CFAP74: variants seen among roughly 807,000 people sequenced by gnomAD.
CFAP74 encodes cilia and flagella associated protein 74.
In CFAP74, 124 loss-of-function variants were observed where a neutral mutation model predicts 188.9. The observed-to-expected ratio is 0.66, with a 90% CI of 0.57 to 0.76. The LOEUF is 0.76. Ranked by LOEUF, CFAP74 falls within the 30% of genes least tolerant of loss-of-function variation. The pLI is 0.00. For missense variants in CFAP74, 2,198 were observed against 2,165.2 expected (o/e 1.02, Z -0.30); for synonymous variants, 956 against 916.7 (o/e 1.04, Z -0.77).
At chr1:1,967,238 G>A (rs1258850348) in intron 11 of CFAP74, among the ~76,000 whole-genome samples, 1 of 152,210 alleles carries the variant, frequency 6.6e-6, no homozygotes, top group Non-Finnish European at 1.5e-5. Flanking sequence ...TGGGGACGGA[G>A]CCTTGCCTAT....
At chr1:1,979,558 A>G (rs1656686417) in intron 6 of CFAP74, among the ~76,000 whole-genome samples, 1 of 134,328 alleles carries the variant, frequency 7.4e-6, no homozygotes, top group Non-Finnish European at 1.6e-5. Flanking sequence ...TGGGCGTGGG[A>G]AGGTGTCACG....
At chr1:1,970,910 T>TGCACACGTGC in intron 9 of CFAP74, 94 bp from the exon 10 acceptor site, 1 of 1,442,060 alleles carries the variant, frequency 6.9e-7, no homozygotes, top group South Asian at 1.2e-5. Context: ...GGTTCATACA[T>TGCACACGTGC]GCACACGTGC....
intron 6 of CFAP74, among the ~76,000 whole-genome samples, chr1:1,983,463 C>T (rs1011866675): frequency 2.0e-5 from 3 of 152,220 alleles, no homozygotes; most frequent in African/African-American, 2.4e-5. Flanking sequence ...CGAGCACGGG[C>T]GCTGTGCGGG....
At chr1:1,993,677 G>A (rs1657727074) in intron 1 of CFAP74, among the ~76,000 whole-genome samples, 2 of 32,214 alleles carry the variant, frequency 6.2e-5, no homozygotes, top group South Asian at 1.2e-3. Flanking sequence ...ATACAAAACA[G>A]CTGATGTCAA....
At chr1:1,954,946 T>C (rs2803286) in intron 18 of CFAP74, 937,269 of 1,098,276 alleles carry the variant, frequency 0.85, 406,400 homozygotes, top group Non-Finnish European at 0.86. Context: ...CTCCCAAGTG[T>C]GCACTGGCAG....
Position 1,927,680 on chromosome 1 carries a change from G to C in CFAP74, c.3454C>G (p.Gln1152Glu). Residue 1152 changes from glutamine to glutamate, a missense_variant, in exon 28 of 39, where the codon CAG becomes GAG. Coordinates refer to ENST00000682832, the MANE Select transcript of CFAP74 (RefSeq NM_001304360.2). Reference sequence around the variant, plus strand: ...ACTTTGAACAGCTTGTCGCGGTTCTGTGCTCGAAGAACGGAGAATGACAGT... The same window carrying C: ...ACTTTGAACAGCTTGTCGCGGTTCTCTGCTCGAAGAACGGAGAATGACAGT... ...HGLSFSVLRA[Q>E]NRDKLFKVSV... is the part of the protein sequence containing the mutation. 6.5e-7 allele frequency: 1 copy of C among 1,550,238 alleles called. No individual in the cohort carries two copies. The highest frequency in any genetic ancestry group is 1.4e-5 in the African/African-American group (1 of 73,180).
chr1:1,968,978 C>A lies in CFAP74; in HGVS notation c.1047-145G>T. On this transcript the variant is annotated intron_variant, in intron 10 of 38. Coordinates refer to ENST00000682832, the MANE Select transcript of CFAP74 (RefSeq NM_001304360.2). The surrounding 1 kb of genome is among the most constrained non-coding windows in gnomAD (Gnocchi z 4.3). ...CAGCCCCAGGTGAGACAGCGCCTGGCGGCCCCTCCCTAGCTCCCTCCTGGG... is the reference window on the plus strand; with the variant it reads ...CAGCCCCAGGTGAGACAGCGCCTGGAGGCCCCTCCCTAGCTCCCTCCTGGG... The A allele has an allele frequency of 2.5e-6, 1 of 407,710 alleles. No individual in the cohort carries two copies. Among genetic ancestry groups the A allele is most frequent in the South Asian group, 2.5e-5 (1 of 39,494 alleles). 25.3% of individuals were successfully genotyped at this position (407,710 alleles called of 1,614,324 possible).
chr1:1,951,150 T>G (rs1293614814), intron 18 of CFAP74, among the ~76,000 whole-genome samples: 1 of 152,132 alleles, frequency 6.6e-6, no homozygotes, highest in Non-Finnish European at 1.5e-5. Flanking sequence ...CAGTCATGGT[T>G]GGAAGGGGAA....
At chr1:1,939,264 C>T (rs528008749) in intron 24 of CFAP74, among the ~76,000 whole-genome samples, 35 of 152,306 alleles carry the variant, frequency 2.3e-4, no homozygotes, top group African/African-American at 7.2e-4. Flanking sequence ...GTGTTGGCGG[C>T]GGGGCAGCCC....
At chr1:1,924,347 G>GCCC in intron 34 of CFAP74, 44 bp downstream of exon 34, 1 of 199,488 alleles carries the variant, frequency 5.0e-6, no homozygotes, top group Non-Finnish European at 6.6e-6. Context: ...CCAGCTCACC[G>GCCC]CCCACCCCCG....
At position 1,925,878 on chromosome 1, in the gene CFAP74, T is replaced by G. The variant is rs770191607; in HGVS notation, c.4009A>C (p.Thr1337Pro). Reference sequence around the variant, plus strand: ...CACGTGATCATGGACGCCACGCCAGTGCCCATGAGGGTGAGGGTGAGCGTG... The same window carrying G: ...CACGTGATCATGGACGCCACGCCAGGGCCCATGAGGGTGAGGGTGAGCGTG... ...RGTLTLTLMG[T>P]GVASMITCSI... The change falls in exon 33 of 39, where the codon ACT becomes CCT. Residue 1337 changes from threonine (T) to proline (P), a missense_variant. Physicochemically the swap from Thr to Pro is conservative, Grantham distance 38. Coordinates refer to ENST00000682832, the MANE Select transcript of CFAP74 (RefSeq NM_001304360.2). The G allele has an allele frequency of 6.2e-7, 1 of 1,612,658 alleles. No individual in the cohort carries two copies. The highest frequency in any genetic ancestry group is 8.5e-7 in the Non-Finnish European group (1 of 1,179,888).
Position 1,946,451 on chromosome 1 carries a change from G to A in CFAP74, c.2242-12C>T, listed in dbSNP as rs368235985. ...TCCCCTTCTGTTACCTGCACAGGAA[G>A]AGATGCCATGGGGTCTGCCAGGCTT... On this transcript the variant is annotated splice_polypyrimidine_tract_variant and intron_variant, in intron 19 of 38. Transcript: ENST00000682832. 2.0e-6 allele frequency: 3 copies of A among 1,529,910 alleles called. No homozygotes were observed. The African/African-American group carries it at 4.1e-5, about 21-fold the overall frequency. 94.8% of individuals were successfully genotyped at this position (1,529,910 alleles called of 1,614,324 possible). A position where few individuals can be genotyped will look rare whatever the true frequency, so the allele number is the denominator to read the frequency against.
chr1:1,922,486 G>T, intron 38 of CFAP74, 98 bp from the exon 39 acceptor site: 1 of 1,545,124 alleles, frequency 6.5e-7, no homozygotes. Context: ...ACTCCCTTGG[G>T]TCCTCCACGG....
intron 18 of CFAP74, among the ~76,000 whole-genome samples, chr1:1,949,642 G>A (rs1654082775): frequency 6.6e-6 from 1 of 151,996 alleles, no homozygotes; most frequent in Non-Finnish European, 1.5e-5. Context: ...TGCCCACGTC[G>A]CCCATGCCCC....
chr1:1,956,822 C>T (rs936864011), intron 16 of CFAP74, 38 bp from the exon 17 acceptor site: 2 of 1,598,684 alleles, frequency 1.3e-6, no homozygotes, highest in African/African-American at 1.3e-5. Context: ...GGCCACCGTG[C>T]CAGGCCCACA....
chr1:1,981,249 C>T (rs1656823723), intron 6 of CFAP74, among the ~76,000 whole-genome samples: 1 of 152,208 alleles, frequency 6.6e-6, no homozygotes, highest in Non-Finnish European at 1.5e-5. Context: ...CCGTCCAGTG[C>T]CCCTGTGCCC....
intron 2 of CFAP74, among the ~76,000 whole-genome samples, chr1:1,990,021 A>G (rs1291684621): frequency 6.9e-6 from 1 of 145,294 alleles, no homozygotes; most frequent in Non-Finnish European, 1.5e-5. Context: ...GTCACAACAG[A>G]CAGCTCTAAG....
intron 25 of CFAP74, 57 bp from the exon 26 acceptor site, chr1:1,930,393 G>A (rs1557991177): frequency 1.7e-5 from 25 of 1,454,484 alleles, no homozygotes; most frequent in Non-Finnish European, 2.1e-5. Flanking sequence ...GTCCCTCTGC[G>A]GCAGGCGCGG....
At chr1:1,992,295 C>T (rs1436426732) in intron 1 of CFAP74, among the ~76,000 whole-genome samples, 1 of 151,958 alleles carries the variant, frequency 6.6e-6, no homozygotes, top group Non-Finnish European at 1.5e-5. Context: ...TTCACAAGTG[C>T]TAAGACTACA....
Sources: allele counts gnomAD v4.1 joint callset (sites outside exome capture counted in the v4.1 genomes callset), GRCh38; gene constraint gnomAD v4.1.1; non-coding constraint Gnocchi (gnomAD v3.1); transcripts MANE v1.5; gene names NCBI Gene and HGNC (gene_info 2026-07-23, HGNC 2026-07-21).